Variants in PRKCE observed in about 807,000 individuals in gnomAD.
The protein encoded by PRKCE is protein kinase C epsilon type.
A neutral mutation model predicts 85.4 loss-of-function variants in PRKCE; 16 were observed. The observed-to-expected ratio is 0.19, with a 90% CI of 0.13 to 0.28. The LOEUF (loss-of-function observed/expected upper bound fraction) is 0.28, where lower values mean the gene tolerates loss of function less well. Ranked by LOEUF, PRKCE falls within the 10% of genes least tolerant of loss-of-function variation. PRKCE has a pLI of 1.00. For missense variants in PRKCE, 573 were observed against 975.2 expected (o/e 0.59, Z 5.49); for synonymous variants, 388 against 371.5 (o/e 1.04, Z -0.51).
At chr2:45,900,862 C>T (rs1696526042) in intron 2 of PRKCE, among the ~76,000 whole-genome samples, 1 of 152,154 alleles carries the variant, frequency 6.6e-6, no homozygotes, top group Non-Finnish European at 1.5e-5. Flanking sequence ...AGGATTGAAC[C>T]AGACAGAAGG....
intron 2 of PRKCE, among the ~76,000 whole-genome samples, chr2:45,856,062 T>TAA (rs199998110): frequency 6.6e-6 from 1 of 151,418 alleles, no homozygotes; most frequent in East Asian, 2.0e-4. Context: ...TTCTTTCTTT[T>TAA]AAAAAAATTT....
intron 11 of PRKCE, among the ~76,000 whole-genome samples, chr2:46,088,166 C>T (rs566739650): frequency 1.5e-4 from 23 of 152,264 alleles, no homozygotes; most frequent in Admixed American, 4.6e-4. Context: ...GGGATTATAC[C>T]AGAGCATGAG....
intron 5 of PRKCE, among the ~76,000 whole-genome samples, chr2:45,982,377 C>T (rs1702962055): frequency 6.6e-6 from 1 of 152,206 alleles, no homozygotes; most frequent in African/African-American, 2.4e-5. Context: ...CAATGCCCTC[C>T]TTCCTATTAA....
At chr2:45,864,455 T>C (rs775489333) in intron 2 of PRKCE, among the ~76,000 whole-genome samples, 1 of 151,838 alleles carries the variant, frequency 6.6e-6, no homozygotes, top group Non-Finnish European at 1.5e-5. Context: ...GTAGTTATTT[T>C]TCACTTGAAA....
intron 1 of PRKCE, among the ~76,000 whole-genome samples, chr2:45,788,135 C>T (rs996248278): frequency 1.3e-5 from 2 of 152,188 alleles, no homozygotes; most frequent in Admixed American, 6.5e-5. Context: ...GTGTCTCCTA[C>T]TGAAGTCTGT....
chr2:45,736,951 T>C (rs1050414099), intron 1 of PRKCE, among the ~76,000 whole-genome samples: 1 of 152,136 alleles, frequency 6.6e-6, no homozygotes, highest in African/African-American at 2.4e-5. Flanking sequence ...AAAATGGGAA[T>C]GACTGGGGGA....
At chr2:45,852,074 C>T (rs7558378) in intron 2 of PRKCE, 80,364 of 152,156 alleles carry the variant, frequency 0.53, 21,779 homozygotes, top group South Asian at 0.65. Context: ...CAGCATTTTC[C>T]GGCATTTAGC....
chr2:45,911,289 C>G (rs1697362791), intron 2 of PRKCE, among the ~76,000 whole-genome samples: 1 of 152,178 alleles, frequency 6.6e-6, no homozygotes, highest in Non-Finnish European at 1.5e-5. Context: ...CACAACCTTC[C>G]CTACCTTTCT....
chr2:46,160,515 G>A lies in PRKCE; in HGVS notation c.2067+763G>A, dbSNP rs145001234. ...TCTTAATTCTGTTGTGTTGTAGCCC[G>A]TTGAAGCAATCAATCATTCAGACTG... On this transcript the variant is annotated intron_variant, in intron 14 of 14. Transcript: ENST00000306156. 1.8e-4 allele frequency among the ~76,000 whole-genome samples: 27 copies of A among 152,338 alleles called. 1 individual carries two copies. In the East Asian group the frequency reaches 2.7e-3, roughly 15 times the overall value.
intron 10 of PRKCE, among the ~76,000 whole-genome samples, chr2:46,037,122 A>C (rs1231718118): frequency 6.6e-6 from 1 of 152,122 alleles, no homozygotes; most frequent in African/African-American, 2.4e-5. Flanking sequence ...AGTGATGACT[A>C]TCACTCTGCC....
intron 13 of PRKCE, among the ~76,000 whole-genome samples, chr2:46,154,904 C>T (rs1345867010): frequency 1.3e-5 from 2 of 152,122 alleles, no homozygotes; most frequent in African/African-American, 2.4e-5. Context: ...AGGGCAGGAA[C>T]GTTTTCCAGC....
In PRKCE at chr2:45,697,563, G is replaced by A. The variant is rs777682140; in HGVS notation, c.348+45115G>A. ...CTCTTCACTCAGGGTGGACTGGTTG[G>A]CATCTCTATGTGGGTGGCATCTCTA... On this transcript the variant is annotated intron_variant, in intron 1 of 14. Coordinates refer to ENST00000306156, the MANE Select transcript of PRKCE (RefSeq NM_005400.3). This position sits in a 1 kb window ranked among gnomAD's most constrained non-coding sequence, Gnocchi z 4.2. 6.6e-6 allele frequency among the ~76,000 whole-genome samples: 1 copy of A among 152,120 alleles called. No individual in the cohort carries two copies. Among genetic ancestry groups the A allele is most frequent in the Non-Finnish European group, 1.5e-5 (1 of 68,020 alleles).
intron 2 of PRKCE, among the ~76,000 whole-genome samples, chr2:45,885,005 G>GTTGTTT (rs1695191062): frequency 2.3e-5 from 1 of 43,984 alleles, no homozygotes; most frequent in Non-Finnish European, 4.7e-5. Flanking sequence ...ATATATATTT[G>GTTGTTT]TTGTTGTTGT....
intron 1 of PRKCE, among the ~76,000 whole-genome samples, chr2:45,670,592 C>T (rs1265034342): frequency 6.6e-6 from 1 of 152,174 alleles, no homozygotes; most frequent in Non-Finnish European, 1.5e-5. Context: ...TGCCCCAGAA[C>T]ACAGTTTCTC....
At chr2:45,885,999 A>G (rs925647071) in intron 2 of PRKCE, among the ~76,000 whole-genome samples, 35 of 152,284 alleles carry the variant, frequency 2.3e-4, no homozygotes, top group African/African-American at 7.5e-4. Context: ...CAGAACGTGA[A>G]TCTTTCCCAC....
chr2:45,856,605 A>G (rs1205453971), intron 2 of PRKCE, among the ~76,000 whole-genome samples: 1 of 152,140 alleles, frequency 6.6e-6, no homozygotes, highest in African/African-American at 2.4e-5. Context: ...ACACATTGTT[A>G]TTTGCTGTAG....
chr2:46,130,467 G>C (rs1049273201), intron 11 of PRKCE, among the ~76,000 whole-genome samples: 1 of 152,158 alleles, frequency 6.6e-6, no homozygotes, highest in Admixed American at 6.6e-5. Flanking sequence ...TCTGCGTACA[G>C]TCTCACAACA....
At position 45,790,524 on chromosome 2, in the gene PRKCE, G is replaced by T. The variant is rs79109337; in HGVS notation, c.349-52476G>T. 6.0e-3 allele frequency among the ~76,000 whole-genome samples: 915 copies of T among 152,284 alleles called. 8 individuals carry two copies. Among genetic ancestry groups the T allele is most frequent in the South Asian group, 0.018 (86 of 4,816 alleles). On this transcript the variant is annotated intron_variant, in intron 1 of 14. Coordinates refer to ENST00000306156, the MANE Select transcript of PRKCE (RefSeq NM_005400.3). Reference sequence around the variant, plus strand: ...TTAAAATAACCTATGTGACTGAGTGGCTGCTCTCTATAACATTTTTGTTCC... The same window carrying T: ...TTAAAATAACCTATGTGACTGAGTGTCTGCTCTCTATAACATTTTTGTTCC...
intron 10 of PRKCE, among the ~76,000 whole-genome samples, chr2:46,034,841 C>T (rs1707758251): frequency 6.6e-6 from 1 of 152,240 alleles, no homozygotes; most frequent in Non-Finnish European, 1.5e-5. Context: ...AAACAGTAGC[C>T]AGATTCATTA....
Sources: allele counts gnomAD v4.1 joint callset (sites outside exome capture counted in the v4.1 genomes callset), GRCh38; gene constraint gnomAD v4.1.1; non-coding constraint Gnocchi (gnomAD v3.1); transcripts MANE v1.5; gene names NCBI Gene and HGNC (gene_info 2026-07-23, HGNC 2026-07-21).